The following TP53BP2 variants were observed in gnomAD, a reference collection of about 807,000 sequenced individuals.
TP53BP2 encodes the protein tumor protein p53 binding protein 2.
In TP53BP2, 62 loss-of-function variants were observed where a neutral mutation model predicts 126.2. That is an observed-to-expected ratio of 0.49 (90% CI 0.40 to 0.61). The LOEUF is 0.61. Ranked by LOEUF, TP53BP2 falls within the 20% of genes least tolerant of loss-of-function variation. The pLI, the probability that TP53BP2 is intolerant of heterozygous loss-of-function variation, is 0.00. For synonymous variants in TP53BP2, 485 were observed against 502.9 expected (o/e 0.96, Z 0.48); for missense variants, 1,215 against 1,402.8 (o/e 0.87, Z 2.14).
chr1:223,845,742 CG>C lies in TP53BP2; in HGVS notation c.-63del. ...GAGGTGCCCCGGAGGGTCGCGGATG[CG>C]GGGGAGGGGAGCGGAGAGCGAGGCC... is the stretch of plus-strand genomic sequence containing the variant. On this transcript the variant is annotated 5_prime_UTR_variant, in exon 1 of 18. Coordinates refer to ENST00000343537, the MANE Select transcript of TP53BP2 (RefSeq NM_001031685.3). 6.9e-7 allele frequency: 1 copy of C among 1,454,206 alleles called. No individual in the cohort carries two copies. Among genetic ancestry groups the C allele is most frequent in the Non-Finnish European group, 9.1e-7 (1 of 1,101,876 alleles). 90.1% of individuals were successfully genotyped at this position (1,454,206 alleles called of 1,614,324 possible).
intron 6 of TP53BP2, 71 bp downstream of exon 6, chr1:223,804,103 A>C (rs1456961745): frequency 6.6e-7 from 1 of 1,507,756 alleles, no homozygotes; most frequent in Non-Finnish European, 9.0e-7. Context: ...TGGGCAACAC[A>C]GTAAGACCCT....
intron 5 of TP53BP2, among the ~76,000 whole-genome samples, chr1:223,806,574 A>C (rs1185519945): frequency 1.3e-5 from 2 of 152,264 alleles, no homozygotes; most frequent in East Asian, 3.9e-4. Flanking sequence ...CTGTAATCCC[A>C]ACACTTTGGG....
At chr1:223,834,699 C>T in intron 1 of TP53BP2, 1 of 418,290 alleles carries the variant, frequency 2.4e-6, no homozygotes, top group Non-Finnish European at 3.2e-6. Context: ...GCCACTTTTC[C>T]TCACTTCTCT....
At chr1:223,802,952 A>C in intron 7 of TP53BP2, 57 bp from the exon 8 acceptor site, 23 of 1,565,372 alleles carry the variant, frequency 1.5e-5, no homozygotes, top group South Asian at 2.2e-5. Flanking sequence ...AATGTCTCAA[A>C]CAGTTAATCA....
At chr1:223,784,572 C>T (rs1661884919) in intron 16 of TP53BP2, among the ~76,000 whole-genome samples, 1 of 152,112 alleles carries the variant, frequency 6.6e-6, no homozygotes, top group South Asian at 2.1e-4. Flanking sequence ...ACTTTATAAG[C>T]ATCTCTTAAA....
intron 1 of TP53BP2, 76 bp from the exon 2 acceptor site, chr1:223,821,443 C>G: frequency 3.8e-6 from 6 of 1,587,296 alleles, no homozygotes; most frequent in Non-Finnish European, 5.2e-6. Context: ...TTCCTTTCTC[C>G]AAACAAAATC....
At chr1:223,811,144 A>C (rs1348036673) in intron 3 of TP53BP2, among the ~76,000 whole-genome samples, 2 of 152,164 alleles carry the variant, frequency 1.3e-5, no homozygotes, top group African/African-American at 4.8e-5. Flanking sequence ...TTTTGGCTAA[A>C]AAGAATTTTT....
intron 1 of TP53BP2, among the ~76,000 whole-genome samples, chr1:223,826,594 T>C (rs1382775101): frequency 6.6e-6 from 1 of 152,172 alleles, no homozygotes; most frequent in South Asian, 2.1e-4. Flanking sequence ...GTGATGAAAA[T>C]ATTCTGGAAT....
intron 1 of TP53BP2, among the ~76,000 whole-genome samples, chr1:223,830,034 A>G (rs1250448598): frequency 6.6e-6 from 1 of 152,234 alleles, no homozygotes; most frequent in African/African-American, 2.4e-5. Flanking sequence ...GAAGATATAA[A>G]TGACAGATCC....
At chr1:223,843,413 C>T (rs992385417) in intron 1 of TP53BP2, among the ~76,000 whole-genome samples, 7 of 152,280 alleles carry the variant, frequency 4.6e-5, no homozygotes, top group African/African-American at 1.7e-4. Flanking sequence ...TCGTGATCCG[C>T]CCGCCTCGAC....
At chr1:223,826,484 G>A (rs1227836937) in intron 1 of TP53BP2, among the ~76,000 whole-genome samples, 1 of 152,122 alleles carries the variant, frequency 6.6e-6, no homozygotes, top group Non-Finnish European at 1.5e-5. Context: ...GCCCACTGGA[G>A]GCAAATCATT....
At chr1:223,814,839 T>TA (rs545640412) in intron 2 of TP53BP2, among the ~76,000 whole-genome samples, 3 of 152,160 alleles carry the variant, frequency 2.0e-5, no homozygotes, top group South Asian at 2.1e-4. Context: ...AAACAATATT[T>TA]AAAAAAATCA....
intron 2 of TP53BP2, among the ~76,000 whole-genome samples, chr1:223,816,534 C>G (rs1663093953): frequency 6.6e-6 from 1 of 151,816 alleles, no homozygotes; most frequent in African/African-American, 2.4e-5. Context: ...ATTTCAAAAA[C>G]CAAAAAGCCA....
intron 1 of TP53BP2, among the ~76,000 whole-genome samples, chr1:223,840,737 C>T (rs967424331): frequency 1.3e-5 from 2 of 152,186 alleles, no homozygotes. Flanking sequence ...GGGAACACAG[C>T]TCTTCCTAGA....
intron 9 of TP53BP2, among the ~76,000 whole-genome samples, chr1:223,801,410 C>T (rs1662523705): frequency 6.6e-6 from 1 of 152,082 alleles, no homozygotes; most frequent in Non-Finnish European, 1.5e-5. Flanking sequence ...TATTTTTTTG[C>T]ATATGATAAT....
intron 9 of TP53BP2, 35 bp downstream of exon 9, chr1:223,802,081 G>A (rs901759839): frequency 2.3e-5 from 37 of 1,580,794 alleles, no homozygotes; most frequent in East Asian, 4.5e-5. Flanking sequence ...AGAATAGTGG[G>A]GACAGGAAGA....
At chr1:223,840,698 T>C (rs1000733346) in intron 1 of TP53BP2, among the ~76,000 whole-genome samples, 4 of 152,240 alleles carry the variant, frequency 2.6e-5, no homozygotes, top group Middle Eastern at 6.3e-3. Context: ...TGTTTTATTG[T>C]CTGCTGAGGC....
intron 1 of TP53BP2, among the ~76,000 whole-genome samples, chr1:223,821,791 G>A (rs958346627): frequency 1.3e-5 from 2 of 152,128 alleles, no homozygotes; most frequent in African/African-American, 2.4e-5. Flanking sequence ...AATGTAACAC[G>A]CTGCTTCTGA....
intron 9 of TP53BP2, 118 bp downstream of exon 9, chr1:223,801,996 TAA>T (rs1318308670): frequency 2.0e-6 from 2 of 1,021,910 alleles, no homozygotes; most frequent in Non-Finnish European, 2.8e-6. Flanking sequence ...GCAAAGAATA[TAA>T]AAGGATTTTT....
Sources: gnomAD v4.1 joint callset for allele counts (sites outside exome capture counted in the v4.1 genomes callset) on GRCh38, gnomAD v4.1.1 for gene constraint, MANE v1.5 for transcripts, NCBI Gene and HGNC (gene_info 2026-07-23, HGNC 2026-07-21) for gene names.